The following ATF7IP2 variants were observed in gnomAD, a reference collection of about 807,000 sequenced individuals.
The protein encoded by ATF7IP2 is activating transcription factor 7-interacting protein 2.
Under a neutral mutation model 64.2 loss-of-function variants are expected in ATF7IP2, and 42 were observed. The ratio of observed to expected loss-of-function variants is 0.65; its 90% confidence interval spans 0.51 to 0.85. The LOEUF (loss-of-function observed/expected upper bound fraction) is 0.85, where lower values mean the gene tolerates loss of function less well. ATF7IP2 is among the 40% of genes least tolerant of loss of function. The probability of loss-of-function intolerance (pLI) is 0.00; values close to 1 mark genes in which losing one functional copy is unlikely to be tolerated. For missense variants in ATF7IP2, 933 were observed against 784.2 expected, an observed-to-expected ratio of 1.19 and a Z score of -2.27; for synonymous variants, 308 against 272.8, an observed-to-expected ratio of 1.13 and a Z score of -1.27.
intron 2 of ATF7IP2, among the ~76,000 whole-genome samples, chr16:10,418,114 A>C (rs2047914851): frequency 6.6e-6 from 1 of 152,216 alleles, no homozygotes; most frequent in African/African-American, 2.4e-5. Flanking sequence ...AGTGGTAAGC[A>C]TTGTTTCTAT....
chr16:10,467,614 G>T (rs1454913221), intron 9 of ATF7IP2, among the ~76,000 whole-genome samples: 1 of 151,338 alleles, frequency 6.6e-6, no homozygotes, highest in Non-Finnish European at 1.5e-5. Context: ...TGTCACCCAG[G>T]CTGGAGTGCA....
chr16:10,471,074 C>T (rs948166506), intron 9 of ATF7IP2, among the ~76,000 whole-genome samples: 3 of 151,854 alleles, frequency 2.0e-5, no homozygotes, highest in African/African-American at 2.4e-5. Flanking sequence ...ACAAAGGTAC[C>T]GATGTAGTTT....
At chr16:10,435,506 T>A (rs1473314999) in intron 6 of ATF7IP2, among the ~76,000 whole-genome samples, 2 of 152,170 alleles carry the variant, frequency 1.3e-5, no homozygotes, top group Non-Finnish European at 2.9e-5. Flanking sequence ...GTAAAAACAT[T>A]TATGAGGTAT....
chr16:10,415,694 T>G (rs1447968926), intron 2 of ATF7IP2, among the ~76,000 whole-genome samples: 2 of 152,242 alleles, frequency 1.3e-5, no homozygotes, highest in Non-Finnish European at 1.5e-5. Context: ...GAGAAAATAT[T>G]TGTAAACTAC....
intron 1 of ATF7IP2, among the ~76,000 whole-genome samples, chr16:10,411,556 G>A (rs563812906): frequency 1.3e-3 from 196 of 152,058 alleles, no homozygotes; most frequent in African/African-American, 4.5e-3. Context: ...TTTTAGTAGA[G>A]ATGTGGTTTC....
intron 6 of ATF7IP2, among the ~76,000 whole-genome samples, chr16:10,435,895 A>C (rs532105521): frequency 6.6e-6 from 1 of 152,318 alleles, no homozygotes; most frequent in South Asian, 2.1e-4. Context: ...GATGAGGAAC[A>C]CTGTTAGAGA....
In ATF7IP2 at chr16:10,482,166, G is replaced by A. The variant is rs754432249; in HGVS notation, c.1966G>A (p.Val656Ile). The A allele has an allele frequency of 3.1e-6, 5 of 1,612,928 alleles. No individual in the cohort carries two copies. The East Asian group carries it at 6.7e-5, about 22-fold the overall frequency. ...FLASNRYYFT[V>I]QSKDIFGRYG... ...AGCTTCCAACAGATACTATTTTACT[G>A]TCCAATCAAAAGATATTTTTGGACG... The change falls in exon 14 of 14, where the codon GTC (valine) becomes ATC (isoleucine). Residue 656 changes from valine (V) to isoleucine (I), a missense_variant. Val to Ile is a conservative substitution (Grantham distance 29, BLOSUM62 3). Transcript: ENST00000562102.
Position 10,440,420 on chromosome 16 carries a change from T to G in ATF7IP2, c.1152T>G (p.Asn384Lys). ...AAACAGTATTATTATTTCAAAGGAATTGTTTGAAACCAAACATGTTATCCA... is the reference window on the plus strand; with the variant it reads ...AAACAGTATTATTATTTCAAAGGAAGTGTTTGAAACCAAACATGTTATCCA... ...RIKTVLLFQR[N>K]CLKPNMLSSN... Residue 384 changes from asparagine to lysine, a missense_variant, in exon 8 of 14, where the codon AAT becomes AAG. By Grantham distance (94) the Asn-to-Lys change is moderately conservative. Transcript: ENST00000562102. The G allele has an allele frequency of 6.4e-7, 1 of 1,569,126 alleles. No individual in the cohort carries two copies. The highest frequency in any genetic ancestry group is 8.6e-7 in the Non-Finnish European group (1 of 1,163,120).
intron 8 of ATF7IP2, among the ~76,000 whole-genome samples, chr16:10,440,795 A>G (rs1178620075): frequency 1.3e-5 from 2 of 152,186 alleles, no homozygotes; most frequent in Non-Finnish European, 2.9e-5. Context: ...TACATGAGCA[A>G]AATGTGCAGT....
chr16:10,440,360 C>G lies in ATF7IP2; in HGVS notation c.1096-4C>G. The G allele has an allele frequency of 2.0e-6, 3 of 1,466,732 alleles. No individual in the cohort carries two copies. Among genetic ancestry groups the G allele is most frequent in the South Asian group, 2.5e-5 (2 of 78,676 alleles). The allele number at this position is 1,466,732 out of a possible 1,614,324, so 90.9% of individuals were successfully genotyped here. On this transcript the variant is annotated splice_region_variant and splice_polypyrimidine_tract_variant and intron_variant, in intron 7 of 13. Coordinates refer to ENST00000562102, the MANE Select transcript of ATF7IP2 (RefSeq NM_001393719.1). ...GTATTTATTTTTTTCTCTTTTTCTTCTAGGCAAAAATAGCAAAACTTCAAA... is the reference window on the plus strand; with the variant it reads ...GTATTTATTTTTTTCTCTTTTTCTTGTAGGCAAAAATAGCAAAACTTCAAA...
At chr16:10,465,239 T>C (rs1390256461) in intron 9 of ATF7IP2, among the ~76,000 whole-genome samples, 1 of 152,150 alleles carries the variant, frequency 6.6e-6, no homozygotes, top group Non-Finnish European at 1.5e-5. Context: ...AAGTAGTAAA[T>C]GGCAGAGGCT....
intron 1 of ATF7IP2, among the ~76,000 whole-genome samples, chr16:10,388,071 A>G (rs1349898249): frequency 6.6e-6 from 1 of 151,900 alleles, no homozygotes. Flanking sequence ...TTGTATTTTT[A>G]GTAGAGATGG....
chr16:10,391,638 C>T (rs546590479), intron 1 of ATF7IP2, among the ~76,000 whole-genome samples: 1 of 152,100 alleles, frequency 6.6e-6, no homozygotes, highest in African/African-American at 2.4e-5. Context: ...TGGCTCATGC[C>T]TGTAATCCCA....
At chr16:10,455,781 C>G (rs2049143096) in intron 8 of ATF7IP2, among the ~76,000 whole-genome samples, 1 of 152,054 alleles carries the variant, frequency 6.6e-6, no homozygotes, top group African/African-American at 2.4e-5. Flanking sequence ...CATAAACAAA[C>G]TTTTGATAGA....
At chr16:10,437,964 TA>T in intron 6 of ATF7IP2, 136 bp from the exon 7 acceptor site, 1 of 599,852 alleles carries the variant, frequency 1.7e-6, no homozygotes, top group Non-Finnish European at 2.5e-6. Context: ...TATAGTTATA[TA>T]AACATACAAA....
At position 10,482,135 on chromosome 16, in the gene ATF7IP2, G is replaced by C. The variant is rs1253877429; in HGVS notation, c.1935G>C (p.Gln645His). Residue 645 changes from glutamine to histidine, a missense_variant, in exon 14 of 14, where the codon CAG (glutamine) becomes CAC (histidine). Gln to His is a conservative substitution (Grantham distance 24). Transcript: ENST00000562102. Reference protein sequence around the residue: ...LPLPMACTLSQFLASNRYYFT... With the variant: ...LPLPMACTLSHFLASNRYYFT... ...TCCCCATGGCCTGTACTTTATCTCAGTTTTTAGCTTCCAACAGATACTATT... is the reference window on the plus strand; with the variant it reads ...TCCCCATGGCCTGTACTTTATCTCACTTTTTAGCTTCCAACAGATACTATT... The C allele has an allele frequency of 1.2e-6, 2 of 1,613,954 alleles. No homozygotes were observed. The highest frequency in any genetic ancestry group is 2.2e-5 in the East Asian group (1 of 44,876).
In ATF7IP2 at chr16:10,433,576, G is replaced by A. The variant is rs1162592537; in HGVS notation, c.887G>A (p.Arg296His). Residue 296 changes from arginine (R) to histidine (H), a missense_variant, in exon 6 of 14, where the codon CGC (arginine) becomes CAC (histidine). By Grantham distance (29) the Arg-to-His change is conservative. Transcript: ENST00000562102. ...MFSENEENVK[R>H]MKTSEQINEN... ...TCAGAAAACGAGGAAAATGTTAAAC[G>A]CATGAAAACTTCAGAGCAAATTAAT... 8 of 1,612,824 alleles carry A rather than the reference G, an allele frequency of 5.0e-6. No homozygotes were observed. Among genetic ancestry groups the A allele is most frequent in the Non-Finnish European group, 6.8e-6 (8 of 1,178,988 alleles).
chr16:10,402,264 T>C (rs1644359192), intron 1 of ATF7IP2, among the ~76,000 whole-genome samples: 1 of 152,176 alleles, frequency 6.6e-6, no homozygotes, highest in Admixed American at 6.5e-5. Flanking sequence ...TCCCAGAAGT[T>C]TTAGTATGTC....
intron 8 of ATF7IP2, chr16:10,454,455 A>G (rs2141999390): frequency 6.8e-6 from 1 of 147,028 alleles, no homozygotes; most frequent in East Asian, 2.0e-4. Context: ...TGTCCTTTTA[A>G]TGTTTGGGGT....
Sources: allele counts gnomAD v4.1 joint callset (sites outside exome capture counted in the v4.1 genomes callset), GRCh38; gene constraint gnomAD v4.1.1; transcripts MANE v1.5; gene names NCBI Gene and HGNC (gene_info 2026-07-23, HGNC 2026-07-21).